Variants in EIF2S2 observed in about 807,000 individuals in gnomAD.
EIF2S2 encodes the protein eukaryotic translation initiation factor 2 subunit beta.
A neutral mutation model predicts 44.0 loss-of-function variants in EIF2S2; 4 were observed. The ratio of observed to expected loss-of-function variants is 0.09; its 90% confidence interval spans 0.04 to 0.21. The LOEUF (loss-of-function observed/expected upper bound fraction) is 0.21, where lower values mean the gene tolerates loss of function less well. Among genes scored for constraint, EIF2S2 ranks in the 10% least tolerant of loss-of-function variants. EIF2S2 has a pLI of 1.00. For synonymous variants in EIF2S2, 108 were observed against 128.3 expected, an observed-to-expected ratio of 0.84 and a Z score of 1.07; for missense variants, 154 against 392.0, an observed-to-expected ratio of 0.39 and a Z score of 5.13.
intron 3 of EIF2S2, among the ~76,000 whole-genome samples, chr20:34,101,981 A>G (rs1393253291): frequency 6.6e-6 from 1 of 152,138 alleles, no homozygotes; most frequent in Non-Finnish European, 1.5e-5. Context: ...AGTCTGCAAA[A>G]AGCATTTTTC....
At position 34,102,698 on chromosome 20, in the gene EIF2S2, C is replaced by T. The variant is rs367707589; in HGVS notation, c.297+764G>A. Among the ~76,000 whole-genome samples the T allele has an allele frequency of 1.4e-3, 219 of 152,234 alleles. 11 individuals are homozygous for T. In the South Asian group the frequency reaches 0.042, roughly 29 times the overall value. ...GTATGTTTGCTGTTGTGTGTGTGCG[C>T]GCTCTATGTGAGTGAGTGTGTGTAC... is the stretch of plus-strand genomic sequence containing the variant. On this transcript the variant is annotated intron_variant, in intron 3 of 8. Transcript: ENST00000374980.
At chr20:34,106,732 A>G (rs1036363409) in intron 1 of EIF2S2, among the ~76,000 whole-genome samples, 1 of 152,178 alleles carries the variant, frequency 6.6e-6, no homozygotes, top group African/African-American at 2.4e-5. Context: ...CCTTGCCCCA[A>G]AATTCTCTTA....
At chr20:34,096,576 G>T in intron 6 of EIF2S2, 81 bp downstream of exon 6, 2 of 1,386,842 alleles carry the variant, frequency 1.4e-6, no homozygotes, top group South Asian at 1.4e-5. Flanking sequence ...TAATAAAGTC[G>T]ACAATAAGGA....
chr20:34,094,624 CATCTT>C (rs1220072503), intron 6 of EIF2S2, among the ~76,000 whole-genome samples: 3 of 151,054 alleles, frequency 2.0e-5, no homozygotes, highest in Non-Finnish European at 4.4e-5. Context: ...AAAATGGAAA[CATCTT>C]AAATATTCAC....
At chr20:34,111,457 T>G (rs1003748404) in intron 1 of EIF2S2, among the ~76,000 whole-genome samples, 5 of 152,214 alleles carry the variant, frequency 3.3e-5, no homozygotes, top group Non-Finnish European at 7.3e-5. Context: ...CAGCCCGCAC[T>G]TCCCGCTCAC....
intron 3 of EIF2S2, among the ~76,000 whole-genome samples, chr20:34,099,150 C>A (rs1601534327): frequency 1.3e-5 from 2 of 152,204 alleles, no homozygotes; most frequent in South Asian, 4.1e-4. Flanking sequence ...CAGGTGGATC[C>A]CTGAGGTCAG....
intron 4 of EIF2S2, 132 bp from the exon 5 acceptor site, chr20:34,097,648 A>T: frequency 1.5e-6 from 1 of 665,998 alleles, no homozygotes; most frequent in Non-Finnish European, 2.5e-6. Context: ...AACAGCCTTA[A>T]GCATAAAGAA....
chr20:34,103,588 AT>A, intron 2 of EIF2S2, 23 bp from the exon 3 acceptor site: 1 of 1,527,694 alleles, frequency 6.5e-7, no homozygotes, highest in Non-Finnish European at 8.8e-7. Context: ...AGGCATAATT[AT>A]TAACAACTAA....
At chr20:34,111,751 G>C (rs906811490) in intron 1 of EIF2S2, among the ~76,000 whole-genome samples, 1 of 152,262 alleles carries the variant, frequency 6.6e-6, no homozygotes, top group Non-Finnish European at 1.5e-5. Context: ...GGGCGGCAGT[G>C]CCCAGCAGAA....
At chr20:34,096,159 A>G (rs1328491802) in intron 6 of EIF2S2, among the ~76,000 whole-genome samples, 1 of 152,042 alleles carries the variant, frequency 6.6e-6, no homozygotes, top group South Asian at 2.1e-4. Context: ...AACTACATTG[A>G]GCCTCCTCAC....
At chr20:34,109,518 G>T (rs1323571150) in intron 1 of EIF2S2, among the ~76,000 whole-genome samples, 1 of 151,894 alleles carries the variant, frequency 6.6e-6, no homozygotes, top group East Asian at 1.9e-4. Context: ...AAAATTAGCG[G>T]GTGCAAGAGC....
In EIF2S2 at chr20:34,098,651, G is replaced by A. The variant is rs1251253232; in HGVS notation, c.298-18C>T. On this transcript the variant is annotated intron_variant, in intron 3 of 8. Coordinates refer to ENST00000374980, the MANE Select transcript of EIF2S2 (RefSeq NM_003908.5). ...TTAAGATCCTAAGAAAGTGAGATGA[G>A]TCTGAACATTTGATACTGGGACTAT... 3.7e-6 allele frequency: 6 copies of A among 1,611,434 alleles called. No homozygotes were observed. In the East Asian group the frequency reaches 1.1e-4, roughly 30 times the overall value.
At chr20:34,097,588 A>C in intron 4 of EIF2S2, 72 bp from the exon 5 acceptor site, 2 of 1,224,590 alleles carry the variant, frequency 1.6e-6, no homozygotes, top group Non-Finnish European at 2.3e-6. Context: ...GGGTCTAGAG[A>C]AATGAAGAGT....
In EIF2S2 at chr20:34,089,642, T is replaced by C; in HGVS notation, c.*88A>G. On this transcript the variant is annotated 3_prime_UTR_variant, in exon 9 of 9. Transcript: ENST00000374980. ...AAATCTTGGCAGCTTTTTTATCTTG[T>C]TTTTAATACAACGGTATATCCACTC... 6.9e-7 allele frequency: 1 copy of C among 1,446,358 alleles called. No individual in the cohort carries two copies. The highest frequency in any genetic ancestry group is 9.2e-7 in the Non-Finnish European group (1 of 1,084,664). 89.6% of individuals were successfully genotyped at this position (1,446,358 alleles called of 1,614,324 possible).
At chr20:34,109,725 T>C (rs913467052) in intron 1 of EIF2S2, among the ~76,000 whole-genome samples, 4 of 151,950 alleles carry the variant, frequency 2.6e-5, no homozygotes, top group African/African-American at 9.7e-5. Flanking sequence ...AAAATCGTTA[T>C]GTTTTGGCAA....
intron 1 of EIF2S2, among the ~76,000 whole-genome samples, chr20:34,106,303 C>G (rs532110935): frequency 6.6e-6 from 1 of 151,918 alleles, no homozygotes; most frequent in Admixed American, 6.6e-5. Flanking sequence ...ATTAAAAAAA[C>G]AAAATTTTTT....
rs371263797 is a variant in EIF2S2 at position 34,105,340 on chromosome 20, C to T, written c.193+28G>A. The T allele has an allele frequency of 3.7e-6, 6 of 1,602,938 alleles. No individual in the cohort carries two copies. In the African/African-American group the frequency reaches 5.4e-5, roughly 14 times the overall value. On this transcript the variant is annotated intron_variant, in intron 2 of 8. Transcript: ENST00000374980. ...CATAGAACCAGGGCTTCTATGACAA[C>T]AGTAACTCTCTCACATCAACCACGC...
rs2034129087 is a variant in EIF2S2, at chr20:34,089,045, G to C, written c.*685C>G. ...ACACATTTACAGGCTATGTTTCTAA[G>C]ACCTCTTAGTGGCCAACGAGGAAGG... is the stretch of plus-strand genomic sequence containing the variant. On this transcript the variant is annotated 3_prime_UTR_variant, in exon 9 of 9. Transcript: ENST00000374980. 1 of 152,590 alleles carries C rather than the reference G, an allele frequency of 6.6e-6. No homozygotes were observed. Among genetic ancestry groups the C allele is most frequent in the African/African-American group, 2.4e-5 (1 of 41,402 alleles). 9.5% of individuals were successfully genotyped at this position (152,590 alleles called of 1,614,324 possible).
At chr20:34,092,550 C>T (rs1263295164) in intron 7 of EIF2S2, among the ~76,000 whole-genome samples, 1 of 152,168 alleles carries the variant, frequency 6.6e-6, no homozygotes, top group African/African-American at 2.4e-5. Context: ...CGCCTGTAGT[C>T]CCAGCTACTC....
Sources: gnomAD v4.1 joint callset for allele counts (sites outside exome capture counted in the v4.1 genomes callset) on GRCh38, gnomAD v4.1.1 for gene constraint, MANE v1.5 for transcripts, NCBI Gene and HGNC (gene_info 2026-07-23, HGNC 2026-07-21) for gene names.